SLC12A6: variants seen among roughly 807,000 people sequenced by gnomAD.
The protein encoded by SLC12A6 is K-Cl cotransporter 3.
A neutral mutation model predicts 135.3 loss-of-function variants in SLC12A6; 66 were observed. That is an observed-to-expected ratio of 0.49 (90% confidence interval 0.40 to 0.60). SLC12A6 has a LOEUF of 0.60. Ranked by LOEUF, SLC12A6 falls within the 20% of genes least tolerant of loss-of-function variation. The pLI is 0.00. For synonymous variants in SLC12A6, 513 were observed against 508.8 expected (o/e 1.01, Z -0.11); for missense variants, 1,058 against 1,452.3 (o/e 0.73, Z 4.41).
chr15:34,312,320 A>G (rs1888314917), intron 2 of SLC12A6, among the ~76,000 whole-genome samples: 1 of 152,190 alleles, frequency 6.6e-6, no homozygotes, highest in South Asian at 2.1e-4. Flanking sequence ...ACAATACCTG[A>G]CATATTTATA....
At chr15:34,308,820 T>G (rs1396614044) in intron 2 of SLC12A6, among the ~76,000 whole-genome samples, 2 of 152,038 alleles carry the variant, frequency 1.3e-5, no homozygotes, top group African/African-American at 4.8e-5. Flanking sequence ...TCCATGAAGA[T>G]AATAGAGCTT....
intron 3 of SLC12A6, among the ~76,000 whole-genome samples, chr15:34,271,955 CT>C (rs1228691866): frequency 5.3e-5 from 8 of 151,226 alleles, no homozygotes; most frequent in African/African-American, 1.7e-4. Flanking sequence ...GGAAGATTTT[CT>C]TTTTTTTTCT....
At position 34,232,557 on chromosome 15, in the gene SLC12A6, GTTGGC is replaced by G. The variant is rs372953015; in HGVS notation, c.*1319_*1323del. ...GTTTCTGAAAACAAATTAGAAGACT[GTTGGC>G]TTGGCTAATCTCGTAGTTCAGGGCC... On this transcript the variant is annotated 3_prime_UTR_variant, in exon 26 of 26. Transcript: ENST00000354181. 11 of 152,520 alleles carry G rather than the reference GTTGGC, an allele frequency of 7.2e-5. No homozygotes were observed. Among genetic ancestry groups the G allele is most frequent in the African/African-American group, 2.6e-4 (11 of 41,556 alleles). 9.4% of individuals were successfully genotyped at this position (152,520 alleles called of 1,614,324 possible). A position where few individuals can be genotyped will look rare whatever the true frequency, so the allele number is the denominator to read the frequency against.
At chr15:34,306,132 T>C (rs1378595155) in intron 2 of SLC12A6, among the ~76,000 whole-genome samples, 1 of 152,240 alleles carries the variant, frequency 6.6e-6, no homozygotes, top group Non-Finnish European at 1.5e-5. Flanking sequence ...TCAGGTTGCC[T>C]GGCTTCCCCA....
chr15:34,259,030 A>T (rs765532924), intron 4 of SLC12A6, 86 bp from the exon 5 acceptor site: 1 of 1,166,266 alleles, frequency 8.6e-7, no homozygotes, highest in Non-Finnish European at 1.3e-6. Flanking sequence ...GAAAACTTCA[A>T]ATTAAATGAA....
chr15:34,237,274 AG>A, intron 22 of SLC12A6, 144 bp downstream of exon 22: 1 of 641,558 alleles, frequency 1.6e-6, no homozygotes, highest in Non-Finnish European at 2.6e-6. Context: ...GCAACAAATT[AG>A]GGTTTTTTTT....
At chr15:34,329,602 C>A (rs1474024215) in intron 2 of SLC12A6, among the ~76,000 whole-genome samples, 1 of 151,860 alleles carries the variant, frequency 6.6e-6, no homozygotes, top group East Asian at 1.9e-4. Flanking sequence ...ACAGAAGAGA[C>A]CACCGAAGAT....
At chr15:34,322,371 T>C (rs1345562654) in intron 2 of SLC12A6, among the ~76,000 whole-genome samples, 1 of 151,306 alleles carries the variant, frequency 6.6e-6, no homozygotes, top group African/African-American at 2.4e-5. Flanking sequence ...AGTGAAACTC[T>C]ATCTCGAAAA....
At chr15:34,333,025 T>C (rs1281570826) in intron 2 of SLC12A6, among the ~76,000 whole-genome samples, 1 of 151,990 alleles carries the variant, frequency 6.6e-6, no homozygotes, top group Non-Finnish European at 1.5e-5. Context: ...ATTTTGTTAT[T>C]TTTTTAGTCT....
At position 34,237,532 on chromosome 15, in the gene SLC12A6, T is replaced by A. The variant is rs1355965460; in HGVS notation, c.2821A>T (p.Ile941Leu). 6.2e-7 allele frequency: 1 copy of A among 1,612,728 alleles called. No homozygotes were observed. Among genetic ancestry groups the A allele is most frequent in the Non-Finnish European group, 8.5e-7 (1 of 1,179,060 alleles). The change falls in exon 22 of 26, where the codon ATA becomes TTA. Residue 941 changes from isoleucine (I) to leucine (L), a missense_variant. Transcript: ENST00000354181. The stretch of plus-strand genomic sequence containing the variant: ...AATTGGGCTACTGTGAAGATCCGTA[T>A]GCTGCACTTTCGCCACACCTGAGAG... ...KQHKVWRKCS[I>L]RIFTVAQLED...
chr15:34,259,553 G>A (rs915598912), intron 4 of SLC12A6, among the ~76,000 whole-genome samples: 1 of 151,958 alleles, frequency 6.6e-6, no homozygotes, highest in Non-Finnish European at 1.5e-5. Flanking sequence ...GGGAGGCTGA[G>A]GTAGGAGGGT....
chr15:34,323,466 C>T (rs1349968484), intron 2 of SLC12A6, among the ~76,000 whole-genome samples: 1 of 152,134 alleles, frequency 6.6e-6, no homozygotes, highest in African/African-American at 2.4e-5. Context: ...CATAGGAGCG[C>T]CAACCCTATT....
Position 34,235,595 on chromosome 15 carries a change from C to T in SLC12A6, c.3228-281G>A, listed in dbSNP as rs182432979. On this transcript the variant is annotated intron_variant, in intron 24 of 25. Transcript: ENST00000354181. ...GATTACAGGCCCCCACCACCATACC[C>T]GGCTAATTTTTTTTGTATTTTTAGT... 4.0e-5 allele frequency among the ~76,000 whole-genome samples: 6 copies of T among 151,812 alleles called. No homozygotes were observed. In the East Asian group the frequency reaches 5.8e-4, roughly 15 times the overall value.
intron 22 of SLC12A6, 95 bp downstream of exon 22, chr15:34,237,324 G>T (rs2140644322): frequency 1.8e-6 from 2 of 1,087,432 alleles, no homozygotes; most frequent in Non-Finnish European, 2.8e-6. Context: ...TCCACATTTA[G>T]ATCTGAAAAA....
chr15:34,299,902 C>T (rs1896124447), intron 2 of SLC12A6, among the ~76,000 whole-genome samples: 1 of 151,916 alleles, frequency 6.6e-6, no homozygotes, highest in Admixed American at 6.6e-5. Context: ...GAGAAAAATT[C>T]CTCTGGTAAT....
chr15:34,251,762 T>C (rs942113213), intron 10 of SLC12A6, among the ~76,000 whole-genome samples: 1 of 152,166 alleles, frequency 6.6e-6, no homozygotes, highest in Non-Finnish European at 1.5e-5. Context: ...ACCAAACATT[T>C]ATAATAGAAG....
chr15:34,262,584 C>T (rs1357597608), intron 3 of SLC12A6, among the ~76,000 whole-genome samples: 2 of 152,152 alleles, frequency 1.3e-5, no homozygotes, highest in Non-Finnish European at 2.9e-5. Context: ...GGAGCAGGGG[C>T]GACAGGACAG....
intron 2 of SLC12A6, among the ~76,000 whole-genome samples, chr15:34,309,928 G>T (rs137970365): frequency 6.6e-6 from 1 of 152,030 alleles, no homozygotes; most frequent in Non-Finnish European, 1.5e-5. Context: ...CTATAGAAAA[G>T]ATTTTTATTG....
At chr15:34,289,561 C>T (rs1895366628) in intron 2 of SLC12A6, among the ~76,000 whole-genome samples, 2 of 152,198 alleles carry the variant, frequency 1.3e-5, no homozygotes, top group African/African-American at 2.4e-5. Flanking sequence ...ATGGTATCAG[C>T]TCTTCTTTGT....
Sources: gnomAD v4.1 joint callset for allele counts (sites outside exome capture counted in the v4.1 genomes callset) on GRCh38, gnomAD v4.1.1 for gene constraint, MANE v1.5 for transcripts, NCBI Gene and HGNC (gene_info 2026-07-23, HGNC 2026-07-21) for gene names.